SNX25: variants seen among roughly 807,000 people sequenced by gnomAD.
SNX25 encodes sorting nexin 25.
Under a neutral mutation model 113.7 loss-of-function variants are expected in SNX25, and 62 were observed. That is an observed-to-expected ratio of 0.55 (90% CI 0.44 to 0.67). SNX25 has a LOEUF of 0.67. Ranked by LOEUF, SNX25 falls within the 30% of genes least tolerant of loss-of-function variation. The pLI is 0.00. For synonymous variants in SNX25, 421 were observed against 436.2 expected, an observed-to-expected ratio of 0.97 and a Z score of 0.43; for missense variants, 1,014 against 1,161.0, an observed-to-expected ratio of 0.87 and a Z score of 1.84.
intron 9 of SNX25, among the ~76,000 whole-genome samples, chr4:185,325,092 T>C (rs772052309): frequency 6.6e-5 from 10 of 152,216 alleles, no homozygotes; most frequent in Admixed American, 2.0e-4. Flanking sequence ...GGTATTCCCT[T>C]AGCTTTTTAG....
chr4:185,323,188 A>G (rs953581914), intron 8 of SNX25, among the ~76,000 whole-genome samples: 10 of 152,190 alleles, frequency 6.6e-5, no homozygotes, highest in Admixed American at 2.0e-4. Context: ...GTAAAAAGTT[A>G]AATTGACATT....
intron 1 of SNX25, among the ~76,000 whole-genome samples, chr4:185,242,566 T>C (rs1294186647): frequency 6.6e-6 from 1 of 152,204 alleles, no homozygotes; most frequent in Non-Finnish European, 1.5e-5. Flanking sequence ...GATGAAGAAA[T>C]GCTACGGTGA....
At chr4:185,302,682 T>G (rs1454730710) in intron 6 of SNX25, among the ~76,000 whole-genome samples, 2 of 152,240 alleles carry the variant, frequency 1.3e-5, no homozygotes, top group Non-Finnish European at 2.9e-5. Flanking sequence ...AGCACCTTGC[T>G]TGTGGACTTC....
chr4:185,359,527 C>T (rs1408023829), intron 16 of SNX25, among the ~76,000 whole-genome samples: 3 of 152,068 alleles, frequency 2.0e-5, no homozygotes, highest in African/African-American at 7.2e-5. Context: ...GGCGCGGTGG[C>T]TCACGTCTGT....
At chr4:185,358,471 T>G (rs772654014) in intron 16 of SNX25, among the ~76,000 whole-genome samples, 3 of 152,234 alleles carry the variant, frequency 2.0e-5, no homozygotes, top group African/African-American at 7.2e-5. Flanking sequence ...TAAGAAATTA[T>G]TGGAATTTTT....
At chr4:185,305,219 A>G (rs1237525197) in intron 6 of SNX25, among the ~76,000 whole-genome samples, 1 of 152,168 alleles carries the variant, frequency 6.6e-6, no homozygotes, top group Non-Finnish European at 1.5e-5. Context: ...AACATCCTGC[A>G]GTACACAGGA....
At chr4:185,357,533 C>G (rs947940604) in intron 15 of SNX25, 138 bp from the exon 16 acceptor site, 1 of 699,682 alleles carries the variant, frequency 1.4e-6, no homozygotes, top group Non-Finnish European at 2.5e-6. Context: ...AACCCAAATT[C>G]TGCAGATGTC....
intron 9 of SNX25, among the ~76,000 whole-genome samples, chr4:185,329,578 A>G (rs1175829996): frequency 2.6e-5 from 4 of 152,330 alleles, no homozygotes; most frequent in Admixed American, 2.0e-4. Context: ...AGCCTGGGGA[A>G]GGCAGATTTT....
At chr4:185,226,475 G>A (rs1298910268) in intron 1 of SNX25, among the ~76,000 whole-genome samples, 2 of 152,220 alleles carry the variant, frequency 1.3e-5, no homozygotes, top group Non-Finnish European at 2.9e-5. Context: ...GTTTGAGACA[G>A]GGTCTCACTG....
In SNX25 at chr4:185,210,623, C is replaced by T. The variant is rs1737620153; in HGVS notation, c.429+368C>T. ...GTTCGCTACGTGCAGGCTCTGCGCA[C>T]GGTCCTGGCGATCCGCTTGGTTCTT... On this transcript the variant is annotated intron_variant, in intron 1 of 18. Transcript: ENST00000652585. The surrounding 1 kb of genome is among the most constrained non-coding windows in gnomAD (Gnocchi z 4.4). 1.3e-5 allele frequency among the ~76,000 whole-genome samples: 2 copies of T among 151,858 alleles called. No individual in the cohort carries two copies. Among genetic ancestry groups the T allele is most frequent in the South Asian group, 2.1e-4 (1 of 4,820 alleles).
In SNX25 at chr4:185,362,399, C is replaced by T. The variant is rs909154913; in HGVS notation, c.2834-212C>T. 48 of 936,518 alleles carry T rather than the reference C, an allele frequency of 5.1e-5. 1 individual carries two copies. The highest frequency in any genetic ancestry group is 5.9e-5 in the Non-Finnish European group (46 of 785,492). 58.0% of individuals were successfully genotyped at this position (936,518 alleles called of 1,614,324 possible). ...TATTAACATTTTAATTATTAAAATT[C>T]GTAGTTGAAAAATATTAAAATTGTA... is the stretch of plus-strand genomic sequence containing the variant. On this transcript the variant is annotated intron_variant, in intron 17 of 18. Coordinates refer to ENST00000652585, the MANE Select transcript of SNX25 (RefSeq NM_001378034.2).
intron 13 of SNX25, among the ~76,000 whole-genome samples, chr4:185,348,814 T>G (rs953138774): frequency 1.3e-5 from 2 of 152,162 alleles, no homozygotes; most frequent in African/African-American, 4.8e-5. Flanking sequence ...ACACCAGAAC[T>G]TTTTCCTCCT....
chr4:185,217,252 T>C (rs35817629), intron 1 of SNX25, among the ~76,000 whole-genome samples: 95,348 of 150,662 alleles, frequency 0.63, 30,360 homozygotes, highest in East Asian at 0.73. Flanking sequence ...GACTGTGTCT[T>C]GGGAAAAAAA....
intron 1 of SNX25, among the ~76,000 whole-genome samples, chr4:185,236,709 T>TAA: frequency 6.6e-6 from 1 of 152,320 alleles, no homozygotes; most frequent in Non-Finnish European, 1.5e-5. Context: ...CAATTTCTTT[T>TAA]AAAAAGTATA....
At chr4:185,205,308 G>T (rs112396897), upstream of SNX25, among the ~76,000 whole-genome samples, 8 of 152,184 alleles carry the variant, frequency 5.3e-5, no homozygotes, top group Admixed American at 1.3e-4. Context: ...ACAAAAATTA[G>T]CTGGGCGTGG....
intron 6 of SNX25, among the ~76,000 whole-genome samples, chr4:185,307,744 C>T (rs1754663915): frequency 6.6e-6 from 1 of 152,134 alleles, no homozygotes; most frequent in Non-Finnish European, 1.5e-5. Context: ...TTCTGGATTC[C>T]ATTCCTTGTC....
At chr4:185,326,872 G>A (rs1046059846) in intron 9 of SNX25, among the ~76,000 whole-genome samples, 1 of 152,108 alleles carries the variant, frequency 6.6e-6, no homozygotes, top group Admixed American at 6.6e-5. Flanking sequence ...GAGCAGGTTA[G>A]TGCTTTAAGA....
chr4:185,371,269 G>A (rs1207191716), downstream of SNX25, among the ~76,000 whole-genome samples: 1 of 152,142 alleles, frequency 6.6e-6, no homozygotes, highest in Non-Finnish European at 1.5e-5. Context: ...GCTGGGCGCG[G>A]TGGCTCACGC....
chr4:185,287,906 C>T (rs746420490), intron 5 of SNX25, 106 bp from the exon 6 acceptor site: 31 of 898,052 alleles, frequency 3.5e-5, no homozygotes, highest in Non-Finnish European at 5.0e-5. Flanking sequence ...GCAGGATTCA[C>T]AGCTCCTGTG....
Sources: allele counts gnomAD v4.1 joint callset (sites outside exome capture counted in the v4.1 genomes callset), GRCh38; gene constraint gnomAD v4.1.1; non-coding constraint Gnocchi (gnomAD v3.1); transcripts MANE v1.5; gene names NCBI Gene and HGNC (gene_info 2026-07-23, HGNC 2026-07-21).